Variants in ATL2 observed in about 807,000 individuals in gnomAD.
The protein encoded by ATL2 is atlastin-2.
Under a neutral mutation model 73.9 loss-of-function variants are expected in ATL2, and 31 were observed. The observed-to-expected ratio is 0.42, with a 90% CI of 0.32 to 0.57. The LOEUF is 0.57. ATL2 is among the 20% of genes least tolerant of loss of function. ATL2 has a pLI of 0.14. For synonymous variants in ATL2, 291 were observed against 237.5 expected (o/e 1.23, Z -2.07); for missense variants, 738 against 702.6 (o/e 1.05, Z -0.57).
chr2:38,314,933 T>C (rs1241199801), intron 5 of ATL2, among the ~76,000 whole-genome samples: 2 of 152,226 alleles, frequency 1.3e-5, no homozygotes, highest in Admixed American at 6.5e-5. Context: ...TAAATTTCAA[T>C]AGTTGGCACA....
chr2:38,321,750 T>C (rs1366970019), intron 2 of ATL2, among the ~76,000 whole-genome samples: 2 of 152,058 alleles, frequency 1.3e-5, no homozygotes, highest in Non-Finnish European at 2.9e-5. Context: ...TCTCACTCTG[T>C]CACCCAGGCT....
intron 1 of ATL2, among the ~76,000 whole-genome samples, chr2:38,365,958 AG>A (rs11333574): frequency 4.4e-5 from 6 of 135,654 alleles, no homozygotes; most frequent in Admixed American, 1.4e-4. Context: ...AAAAAAAAAG[AG>A]GTAAGTATTC....
chr2:38,362,342 G>C (rs1476958273), intron 1 of ATL2, among the ~76,000 whole-genome samples: 1 of 152,132 alleles, frequency 6.6e-6, no homozygotes, highest in Non-Finnish European at 1.5e-5. Flanking sequence ...GCTTACTAAA[G>C]AATGGTCAAC....
At chr2:38,331,313 G>A (rs749345519) in intron 2 of ATL2, among the ~76,000 whole-genome samples, 40 of 151,984 alleles carry the variant, frequency 2.6e-4, no homozygotes, top group Non-Finnish European at 3.1e-4. Context: ...GCGCACACCT[G>A]TAGTCCCAGT....
At chr2:38,371,277 T>G (rs1235389390) in intron 1 of ATL2, among the ~76,000 whole-genome samples, 1 of 151,326 alleles carries the variant, frequency 6.6e-6, no homozygotes, top group East Asian at 1.9e-4. Flanking sequence ...GAGGCAGAGA[T>G]GGAAGGATCA....
chr2:38,355,042 T>C (rs1670578116), intron 1 of ATL2, among the ~76,000 whole-genome samples: 1 of 151,970 alleles, frequency 6.6e-6, no homozygotes, highest in South Asian at 2.1e-4. Flanking sequence ...AATTCAATAA[T>C]TACATCAAAT....
At chr2:38,330,075 G>A (rs1668896244) in intron 2 of ATL2, among the ~76,000 whole-genome samples, 1 of 151,986 alleles carries the variant, frequency 6.6e-6, no homozygotes, top group Non-Finnish European at 1.5e-5. Context: ...GTTGCAGTGA[G>A]CCGAGATTGT....
intron 2 of ATL2, among the ~76,000 whole-genome samples, chr2:38,338,436 T>C (rs1669501673): frequency 1.3e-5 from 2 of 152,268 alleles, no homozygotes; most frequent in South Asian, 4.1e-4. Context: ...CCTGCACATA[T>C]AGCCCCTGAT....
At position 38,295,396 on chromosome 2, in the gene ATL2, C is replaced by G. The variant is rs1346353096; in HGVS notation, c.*598G>C. 1 of 152,118 alleles carries G rather than the reference C, an allele frequency of 6.6e-6. No individual in the cohort carries two copies. Among genetic ancestry groups the G allele is most frequent in the Non-Finnish European group, 1.5e-5 (1 of 68,028 alleles). 9.4% of individuals were successfully genotyped at this position (152,118 alleles called of 1,614,324 possible). On this transcript the variant is annotated 3_prime_UTR_variant, in exon 13 of 13. Coordinates refer to ENST00000378954, the MANE Select transcript of ATL2 (RefSeq NM_001135673.4). Reference sequence around the variant, plus strand: ...CCCAGATATGCATCTCCTTTTAGGGCAAGTTTATAAATTTAAAAAGGCAAG... The same window carrying G: ...CCCAGATATGCATCTCCTTTTAGGGGAAGTTTATAAATTTAAAAAGGCAAG...
Position 38,300,263 on chromosome 2 carries a change from T to C in ATL2, c.1128+9A>G, listed in dbSNP as rs1451653358. 1.9e-6 allele frequency: 3 copies of C among 1,584,274 alleles called. No homozygotes were observed. The highest frequency in any genetic ancestry group is 1.7e-4 in the Middle Eastern group (1 of 5,998). On this transcript the variant is annotated intron_variant, in intron 10 of 12. Transcript: ENST00000378954. ...TATGTACAACACATATCACTCTCTC[T>C]CTCTCTACCTGAAGCATGGACTTTG...
intron 9 of ATL2, among the ~76,000 whole-genome samples, chr2:38,305,466 T>C (rs548822746): frequency 6.6e-6 from 1 of 152,232 alleles, no homozygotes; most frequent in African/African-American, 2.4e-5. Context: ...GGAGAATCAC[T>C]TGAACCTGGG....
intron 1 of ATL2, among the ~76,000 whole-genome samples, chr2:38,350,961 T>C (rs1455629039): frequency 1.3e-5 from 2 of 152,208 alleles, no homozygotes; most frequent in Admixed American, 6.5e-5. Context: ...GCTACAAATC[T>C]TCATTATAAT....
intron 7 of ATL2, among the ~76,000 whole-genome samples, chr2:38,312,436 T>G (rs1308412434): frequency 6.6e-6 from 1 of 152,052 alleles, no homozygotes; most frequent in African/African-American, 2.4e-5. Flanking sequence ...GCTGGCTGGG[T>G]GCGGTGGCTC....
At chr2:38,299,208 T>G (rs1422454637) in intron 11 of ATL2, 48 bp downstream of exon 11, 2 of 1,453,914 alleles carry the variant, frequency 1.4e-6, no homozygotes, top group Non-Finnish European at 1.8e-6. Flanking sequence ...TTTTTTTAAT[T>G]TAAAAATCTT....
At chr2:38,331,488 T>TA (rs1668990755) in intron 2 of ATL2, among the ~76,000 whole-genome samples, 1 of 146,328 alleles carries the variant, frequency 6.8e-6, no homozygotes, top group Admixed American at 6.8e-5. Flanking sequence ...CGCATGCCTG[T>TA]AGTCCCAGCT....
rs1004036402 is a variant in ATL2, at chr2:38,319,109, GAAGCT to G, written c.364-95_364-91del. 2.9e-6 allele frequency: 4 copies of G among 1,388,694 alleles called. No homozygotes were observed. The African/African-American group carries it at 5.8e-5, about 20-fold the overall frequency. 86.0% of individuals were successfully genotyped at this position (1,388,694 alleles called of 1,614,324 possible). ...ACCCATTCTTTATTTTACAGATGGG[GAAGCT>G]AAACCCGGAAAGACAAAAAAAACAC... On this transcript the variant is annotated intron_variant, in intron 2 of 12. Coordinates refer to ENST00000378954, the MANE Select transcript of ATL2 (RefSeq NM_001135673.4).
Position 38,376,330 on chromosome 2 carries a change from T to TAC in ATL2, c.118+811_118+812dup, listed in dbSNP as rs1558469320. 8.9e-6 allele frequency: 10 copies of TAC among 1,129,520 alleles called. No homozygotes were observed. In the South Asian group the frequency reaches 1.7e-4, roughly 19 times the overall value. The allele number at this position is 1,129,520 out of a possible 1,614,324, so 70.0% of individuals were successfully genotyped here. A position where few individuals can be genotyped will look rare whatever the true frequency, so the allele number is the denominator to read the frequency against. The stretch of plus-strand genomic sequence containing the variant: ...TTCGAGGGGGCAGGGGCGCTCCTGG[T>TAC]ACACGTACAGTAGGAGCTCACATTC... On this transcript the variant is annotated intron_variant, in intron 1 of 12. Coordinates refer to ENST00000378954, the MANE Select transcript of ATL2 (RefSeq NM_001135673.4).
Position 38,365,411 on chromosome 2 carries a change from T to C in ATL2, c.118+11732A>G, listed in dbSNP as rs562037928. ...GGCTCACACCTGTAATCCCAGCACTTTGGGAGGCCGAGGCAGGCAGAACAC... is the reference window on the plus strand; with the variant it reads ...GGCTCACACCTGTAATCCCAGCACTCTGGGAGGCCGAGGCAGGCAGAACAC... On this transcript the variant is annotated intron_variant, in intron 1 of 12. Coordinates refer to ENST00000378954, the MANE Select transcript of ATL2 (RefSeq NM_001135673.4). 1.7e-3 allele frequency among the ~76,000 whole-genome samples: 259 copies of C among 152,264 alleles called. 3 individuals carry two copies. Among genetic ancestry groups the C allele is most frequent in the African/African-American group, 6.1e-3 (252 of 41,554 alleles).
chr2:38,310,764 A>G lies in ATL2; in HGVS notation c.805-317T>C, dbSNP rs1031940090. 4.6e-5 allele frequency among the ~76,000 whole-genome samples: 7 copies of G among 151,466 alleles called. No individual in the cohort carries two copies. In the South Asian group the frequency reaches 8.4e-4, roughly 18 times the overall value. On this transcript the variant is annotated intron_variant, in intron 7 of 12. Transcript: ENST00000378954. ...GTGATTCTCCTGCCTCAGCCTCCCG[A>G]GTAGCTGGGATTACAGGCGTGCACC...
Sources: allele counts gnomAD v4.1 joint callset (sites outside exome capture counted in the v4.1 genomes callset), GRCh38; gene constraint gnomAD v4.1.1; transcripts MANE v1.5; gene names NCBI Gene and HGNC (gene_info 2026-07-23, HGNC 2026-07-21).